The following CATSPERT variants were observed in gnomAD, a reference collection of about 807,000 sequenced individuals.
CATSPERT encodes the protein catsper channel auxiliary subunit tau.
chr2:201,552,846 T>A, the CATSPERT span: 487 of 152,304 alleles, frequency 3.2e-3, 3 homozygotes, highest in African/African-American at 0.011. Context: ...CACTCCTGGA[T>A]AGTCTTTACT....
the CATSPERT span, among the ~76,000 whole-genome samples, chr2:201,614,724 G>A: frequency 6.6e-6 from 1 of 152,134 alleles, no homozygotes; most frequent in African/African-American, 2.4e-5. Context: ...AACCTTAAAT[G>A]TAAATGGGCT....
At chr2:201,514,862 CTG>C in the CATSPERT span, among the ~76,000 whole-genome samples, 1 of 152,206 alleles carries the variant, frequency 6.6e-6, no homozygotes, top group Non-Finnish European at 1.5e-5. Context: ...TTAGGGGAAA[CTG>C]TGAATCCAGG....
the CATSPERT span, chr2:201,494,709 G>T: frequency 2.6e-6 from 4 of 1,528,678 alleles, no homozygotes; most frequent in East Asian, 2.5e-5. Flanking sequence ...CTGACATTTT[G>T]TTTATATTCC....
chr2:201,534,301 A>G, the CATSPERT span: 1 of 719,840 alleles, frequency 1.4e-6, no homozygotes, highest in South Asian at 6.3e-5. Flanking sequence ...CCCAACAAGC[A>G]AGTCAACCCC....
chr2:201,567,048 A>T, the CATSPERT span, among the ~76,000 whole-genome samples: 8 of 152,240 alleles, frequency 5.3e-5, no homozygotes, highest in Non-Finnish European at 1.0e-4. Context: ...TTGACAATAA[A>T]GTTTAGATTC....
At chr2:201,499,442 C>A in the CATSPERT span, among the ~76,000 whole-genome samples, 1 of 152,194 alleles carries the variant, frequency 6.6e-6, no homozygotes, top group African/African-American at 2.4e-5. Flanking sequence ...GCATCTATCT[C>A]TGGAATTGTT....
At chr2:201,523,369 A>G in the CATSPERT span, among the ~76,000 whole-genome samples, 1 of 152,240 alleles carries the variant, frequency 6.6e-6, no homozygotes, top group East Asian at 1.9e-4. Flanking sequence ...CACACAGCCC[A>G]GGAGTGCTGA....
At chr2:201,601,369 A>AG in the CATSPERT span, among the ~76,000 whole-genome samples, 1 of 151,820 alleles carries the variant, frequency 6.6e-6, no homozygotes, top group South Asian at 2.1e-4. Flanking sequence ...TTAGAGACAA[A>AG]GGGGAATACA....
At chr2:201,564,044 A>C in the CATSPERT span, among the ~76,000 whole-genome samples, 1 of 152,326 alleles carries the variant, frequency 6.6e-6, no homozygotes, top group African/African-American at 2.4e-5. Context: ...TTGGGATGAG[A>C]AGTCCTGGAA....
chr2:201,515,191 A>C, the CATSPERT span, among the ~76,000 whole-genome samples: 1 of 115,424 alleles, frequency 8.7e-6, no homozygotes, highest in South Asian at 3.0e-4. Flanking sequence ...AGTGTTGTGA[A>C]TCTGCCCATA....
the CATSPERT span, among the ~76,000 whole-genome samples, chr2:201,584,430 C>A: frequency 2.6e-5 from 4 of 151,922 alleles, no homozygotes; most frequent in African/African-American, 4.8e-5. Context: ...CGTAAGTTAA[C>A]CAGAGTCCAA....
the CATSPERT span, among the ~76,000 whole-genome samples, chr2:201,609,196 T>C: frequency 6.6e-6 from 1 of 152,176 alleles, no homozygotes; most frequent in Non-Finnish European, 1.5e-5. Context: ...GATATATAAA[T>C]AGTATTACAT....
chr2:201,571,709 T>A, the CATSPERT span, among the ~76,000 whole-genome samples: 1 of 152,182 alleles, frequency 6.6e-6, no homozygotes, highest in Non-Finnish European at 1.5e-5. Context: ...TCTCTTCTTT[T>A]ATCTCCATAC....
the CATSPERT span, chr2:201,493,699 A>G: frequency 6.5e-7 from 1 of 1,537,254 alleles, no homozygotes; most frequent in Non-Finnish European, 8.7e-7. Context: ...TGGCTCTTTC[A>G]CTTCTATCTC....
At chr2:201,605,136 G>GCA in the CATSPERT span, among the ~76,000 whole-genome samples, 1 of 150,760 alleles carries the variant, frequency 6.6e-6, no homozygotes, top group Admixed American at 6.6e-5. Flanking sequence ...ACATGCACAT[G>GCA]CACACACACA....
At chr2:201,581,545 T>A in the CATSPERT span, among the ~76,000 whole-genome samples, 1 of 22,258 alleles carries the variant, frequency 4.5e-5, no homozygotes, top group African/African-American at 1.8e-4. Context: ...GAAAAAAATG[T>A]GTGTATATAT....
At chr2:201,498,071 G>C in the CATSPERT span, among the ~76,000 whole-genome samples, 2 of 152,156 alleles carry the variant, frequency 1.3e-5, no homozygotes, top group African/African-American at 4.8e-5. Flanking sequence ...TACATTCCAA[G>C]TCAGTGTATT....
the CATSPERT span, among the ~76,000 whole-genome samples, chr2:201,548,443 C>T: frequency 1.1e-4 from 17 of 152,084 alleles, no homozygotes; most frequent in South Asian, 4.1e-4. Context: ...AAAGGCAATG[C>T]CTCCAAATAA....
At chr2:201,582,325 A>T in the CATSPERT span, 61 of 1,076,356 alleles carry the variant, frequency 5.7e-5, no homozygotes, top group Non-Finnish European at 7.8e-5. Context: ...TTATTATGCA[A>T]ATACTATTGC....
Sources: allele counts gnomAD v4.1 joint callset (sites outside exome capture counted in the v4.1 genomes callset), GRCh38; gene constraint gnomAD v4.1.1; transcripts MANE v1.5; gene names NCBI Gene and HGNC (gene_info 2026-07-23, HGNC 2026-07-21).